KCNG1: variants seen among roughly 807,000 people sequenced by gnomAD.
The protein encoded by KCNG1 is voltage-gated potassium channel regulatory subunit KCNG1.
Under a neutral mutation model 32.4 loss-of-function variants are expected in KCNG1, and 17 were observed. That is an observed-to-expected ratio of 0.52 (90% CI 0.36 to 0.79). The LOEUF is 0.79. Ranked by LOEUF, KCNG1 falls within the 30% of genes least tolerant of loss-of-function variation. The pLI is 0.00. For synonymous variants in KCNG1, 358 were observed against 339.9 expected, an observed-to-expected ratio of 1.05 and a Z score of -0.59; for missense variants, 441 against 735.2, an observed-to-expected ratio of 0.60 and a Z score of 4.63.
At chr20:51,022,820 G>A (rs926930488) in intron 1 of KCNG1, 50 bp downstream of exon 1, 3 of 152,246 alleles carry the variant, frequency 2.0e-5, no homozygotes, top group Admixed American at 1.3e-4. Context: ...TCGGGGTCCG[G>A]TTCGCGCTTC....
At chr20:51,012,483 G>A (rs1988130005) in intron 1 of KCNG1, 1 of 152,212 alleles carries the variant, frequency 6.6e-6, no homozygotes, top group Non-Finnish European at 1.5e-5. Flanking sequence ...GCCTCAAAGA[G>A]GTGCTTGTTA....
Position 51,009,760 on chromosome 20 carries a change from G to A in KCNG1, c.579C>T (p.Gly193=), listed in dbSNP as rs777381135. ...EEEDDALDSE[G]RDSEGPAEGE... ...CCTCGGCCGGGCCCTCGCTGTCGCGGCCCTCGCTGTCCAGCGCGTCGTCCT... is the reference window on the plus strand; with the variant it reads ...CCTCGGCCGGGCCCTCGCTGTCGCGACCCTCGCTGTCCAGCGCGTCGTCCT... Residue 193 remains glycine, a synonymous_variant, in exon 2 of 3, where the codon GGC becomes GGT. Coordinates refer to ENST00000371571, the MANE Select transcript of KCNG1 (RefSeq NM_002237.4). 9.3e-6 allele frequency: 15 copies of A among 1,609,748 alleles called. No homozygotes were observed. Among genetic ancestry groups the A allele is most frequent in the Admixed American group, 1.7e-5 (1 of 59,978 alleles).
intron 1 of KCNG1, chr20:51,012,338 AC>A (rs1988123558): frequency 1.3e-5 from 2 of 152,220 alleles, no homozygotes. Context: ...CAACTGGTGC[AC>A]CCGTCTTCAC....
At chr20:51,006,431 C>T (rs1376211628) in intron 2 of KCNG1, 1 of 152,310 alleles carries the variant, frequency 6.6e-6, no homozygotes, top group East Asian at 1.9e-4. Context: ...AAATGGTGAG[C>T]ACTTTCCCTT....
At chr20:51,016,293 T>A (rs1300079876) in intron 1 of KCNG1, among the ~76,000 whole-genome samples, 1 of 151,956 alleles carries the variant, frequency 6.6e-6, no homozygotes. Context: ...AAAATTAAGC[T>A]GGGCATGGTG....
Position 51,015,479 on chromosome 20 carries a change from T to C in KCNG1, c.-26-5115A>G, listed in dbSNP as rs1325815407. The stretch of plus-strand genomic sequence containing the variant: ...GGTGTGTGTTTGCGGGGGGTGAGGG[T>C]GTCACCTGGCAGCTTTGACCTGGCT... On this transcript the variant is annotated intron_variant, in intron 1 of 2. Coordinates refer to ENST00000371571, the MANE Select transcript of KCNG1 (RefSeq NM_002237.4). This position sits in a 1 kb window ranked among gnomAD's most constrained non-coding sequence, Gnocchi z 4.4. 6.6e-6 allele frequency among the ~76,000 whole-genome samples: 1 copy of C among 151,888 alleles called. No homozygotes were observed. The highest frequency in any genetic ancestry group is 2.4e-5 in the African/African-American group (1 of 41,330).
chr20:51,014,492 A>G (rs1317381709), intron 1 of KCNG1, among the ~76,000 whole-genome samples: 1 of 152,194 alleles, frequency 6.6e-6, no homozygotes, highest in African/African-American at 2.4e-5. Context: ...GGGGAGAGGA[A>G]GCTGTTTGAA....
chr20:51,010,309 G>C lies in KCNG1; in HGVS notation c.30C>G (p.Asp10Glu), dbSNP rs1988030270. 1 of 1,507,120 alleles carries C rather than the reference G, an allele frequency of 6.6e-7. No individual in the cohort carries two copies. The highest frequency in any genetic ancestry group is 1.4e-5 in the African/African-American group (1 of 71,738). 93.4% of individuals were successfully genotyped at this position (1,507,120 alleles called of 1,614,324 possible). Residue 10 changes from aspartate (D) to glutamate (E), a missense_variant, in exon 2 of 3, where the codon GAC becomes GAG. Physicochemically the swap from Asp to Glu is conservative, Grantham distance 45. Around this residue, in one of 6 missense-constraint regions of KCNG1, gnomAD observed 85 missense variants for 98.2 expected, o/e 0.87. Transcript: ENST00000371571. MTLLPGDNS[D>E]YDYSALSCTS... ...TGCAGCTCAGCGCGCTGTAGTCGTA[G>C]TCAGAATTGTCTCCCGGTAAGAGGG... is the stretch of plus-strand genomic sequence containing the variant.
intron 2 of KCNG1, among the ~76,000 whole-genome samples, chr20:51,008,875 A>G (rs554610773): frequency 4.9e-4 from 74 of 152,268 alleles, no homozygotes; most frequent in African/African-American, 1.7e-3. Flanking sequence ...GTGGGTGTGA[A>G]AACACTTCCC....
chr20:51,004,032 T>C lies in KCNG1; in HGVS notation c.*7A>G. 1 of 1,611,976 alleles carries C rather than the reference T, an allele frequency of 6.2e-7. No individual in the cohort carries two copies. The highest frequency in any genetic ancestry group is 8.5e-7 in the Non-Finnish European group (1 of 1,178,666). On this transcript the variant is annotated 3_prime_UTR_variant, in exon 3 of 3. Transcript: ENST00000371571. The surrounding 1 kb of genome is among the most constrained non-coding windows in gnomAD (Gnocchi z 4.3). ...GATGGCAGGCAGGGCAGGCGTGTCC[T>C]CCGCGCTCAGTTATTGTCTCTGGTG...
rs1405774702 is a variant in KCNG1 at position 51,009,961 on chromosome 20, A to G, written c.378T>C (p.Thr126=). 5.6e-6 allele frequency: 9 copies of G among 1,613,946 alleles called. No individual in the cohort carries two copies. The highest frequency in any genetic ancestry group is 7.6e-6 in the Non-Finnish European group (9 of 1,179,974). Residue 126 remains threonine (T), a synonymous_variant, in exon 2 of 3, where the codon ACT becomes ACC. Coordinates refer to ENST00000371571, the MANE Select transcript of KCNG1 (RefSeq NM_002237.4). The stretch of plus-strand genomic sequence containing the variant: ...TGCCCGCGCGCAGGAAGGTCAGGAT[A>G]GTGCCGAAGGCCCCCGGGTTGCGGT... ...FFDRNPGAFG[T]ILTFLRAGKL...
In KCNG1 at chr20:51,009,870, C is replaced by T. The variant is rs944101242; in HGVS notation, c.469G>A (p.Ala157Thr). ...FQEELLYWGI[A>T]EDHLDGCCKR... ...CAGCAGCCGTCCAGGTGGTCCTCCG[C>T]GATGCCCCAGTACAGCAGCTCCTCC... The change falls in exon 2 of 3, where the codon GCG becomes ACG. Residue 157 changes from alanine to threonine, a missense_variant. Around this residue, in one of 6 missense-constraint regions of KCNG1, gnomAD observed 70 missense variants for 158.4 expected, o/e 0.44. Transcript: ENST00000371571. 2.5e-6 allele frequency: 4 copies of T among 1,613,524 alleles called. No individual in the cohort carries two copies. Among genetic ancestry groups the T allele is most frequent in the South Asian group, 2.2e-5 (2 of 91,088 alleles).
chr20:51,004,809 G>A lies in KCNG1; in HGVS notation c.775-3C>T. 1 of 1,550,520 alleles carries A rather than the reference G, an allele frequency of 6.4e-7. No individual in the cohort carries two copies. Among genetic ancestry groups the A allele is most frequent in the Non-Finnish European group, 8.7e-7 (1 of 1,143,366 alleles). On this transcript the variant is annotated splice_polypyrimidine_tract_variant and splice_region_variant and intron_variant, in intron 2 of 2. Coordinates refer to ENST00000371571, the MANE Select transcript of KCNG1 (RefSeq NM_002237.4). The surrounding 1 kb of genome is among the most constrained non-coding windows in gnomAD (Gnocchi z 4.3). Reference sequence around the variant, plus strand: ...TGGCACATCTGGGAACAGTGGCCCTGGGAGAGAGGGGAAGGGACGCCGGAG... The same window carrying A: ...TGGCACATCTGGGAACAGTGGCCCTAGGAGAGAGGGGAAGGGACGCCGGAG...
In KCNG1 at chr20:51,010,437, A is replaced by C; in HGVS notation, c.-26-73T>G. The C allele has an allele frequency of 5.0e-6, 5 of 1,004,068 alleles. No individual in the cohort carries two copies. The South Asian group carries it at 6.9e-5, about 14-fold the overall frequency. The allele number at this position is 1,004,068 out of a possible 1,614,324, so 62.2% of individuals were successfully genotyped here. On this transcript the variant is annotated intron_variant, in intron 1 of 2. Coordinates refer to ENST00000371571, the MANE Select transcript of KCNG1 (RefSeq NM_002237.4). Reference sequence around the variant, plus strand: ...ACCTTGCTGAGAATGCAGATTCCGCAGATATTCACTGTTAGGGATGGAATC... The same window carrying C: ...ACCTTGCTGAGAATGCAGATTCCGCCGATATTCACTGTTAGGGATGGAATC...
At chr20:51,021,084 T>G (rs1357164331) in intron 1 of KCNG1, among the ~76,000 whole-genome samples, 2 of 152,226 alleles carry the variant, frequency 1.3e-5, no homozygotes, top group Admixed American at 6.5e-5. Flanking sequence ...TCCCAAGGTT[T>G]GACAACCCAG....
chr20:51,009,554 T>G lies in KCNG1; in HGVS notation c.774+11A>C. On this transcript the variant is annotated intron_variant, in intron 2 of 2. Coordinates refer to ENST00000371571, the MANE Select transcript of KCNG1 (RefSeq NM_002237.4). ...TGGTGGCGCGTTTCCCCGCGGGGCG[T>G]GGGCTCTTACCTGCTCCTCCTCCTC... 6.3e-7 allele frequency: 1 copy of G among 1,585,212 alleles called. No individual in the cohort carries two copies. Among genetic ancestry groups the G allele is most frequent in the Non-Finnish European group, 8.6e-7 (1 of 1,167,970 alleles).
At chr20:51,022,253 TC>T (rs1988509823) in intron 1 of KCNG1, among the ~76,000 whole-genome samples, 1 of 152,152 alleles carries the variant, frequency 6.6e-6, no homozygotes, top group Non-Finnish European at 1.5e-5. Context: ...CCCTTTTCCT[TC>T]CATACCTCCG....
At chr20:51,013,644 G>T (rs1290041328) in intron 1 of KCNG1, 1 of 152,154 alleles carries the variant, frequency 6.6e-6, no homozygotes, top group Non-Finnish European at 1.5e-5. Flanking sequence ...CAATTGCAGA[G>T]ATCAGGGTTT....
At position 51,009,622 on chromosome 20, in the gene KCNG1, G is replaced by T. The variant is rs768028268; in HGVS notation, c.717C>A (p.Val239=). 8 of 1,610,418 alleles carry T rather than the reference G, an allele frequency of 5.0e-6. No individual in the cohort carries two copies. The highest frequency in any genetic ancestry group is 8.5e-7 in the Non-Finnish European group (1 of 1,179,546). The change falls in exon 2 of 3, where the codon GTC becomes GTA. Residue 239 remains valine (V), a synonymous_variant. Transcript: ENST00000371571. The stretch of plus-strand genomic sequence containing the variant: ...TGCTGACGGAGAGGTTGACGGCGGT[G>T]ACGGTCACGAAGAGCACCGACAGGC... The part of the protein sequence containing the change: ...FACLSVLFVT[V]TAVNLSVSTL...
Sources: allele counts gnomAD v4.1 joint callset (sites outside exome capture counted in the v4.1 genomes callset), GRCh38; gene constraint gnomAD v4.1.1; regional missense constraint gnomAD v4.1.1; non-coding constraint Gnocchi (gnomAD v3.1); transcripts MANE v1.5; gene names NCBI Gene and HGNC (gene_info 2026-07-23, HGNC 2026-07-21).